EGLN1: variants seen among roughly 807,000 people sequenced by gnomAD.
EGLN1 encodes the protein egl nine homolog 1.
EGLN1 carries 17 observed loss-of-function variants against 38.3 expected under a neutral mutation model. The observed-to-expected ratio is 0.44, with a 90% CI of 0.30 to 0.67. The LOEUF (loss-of-function observed/expected upper bound fraction) is 0.67. Among genes scored for constraint, EGLN1 ranks in the 30% least tolerant of loss-of-function variants. The probability of loss-of-function intolerance (pLI) is 0.08; values close to 1 mark genes in which losing one functional copy is unlikely to be tolerated. For missense variants in EGLN1, 477 were observed against 603.3 expected (o/e 0.79, Z 2.19); for synonymous variants, 283 against 257.5 (o/e 1.10, Z -0.95).
intron 1 of EGLN1, among the ~76,000 whole-genome samples, chr1:231,415,960 A>C (rs1448914796): frequency 6.6e-6 from 1 of 151,028 alleles, no homozygotes. Context: ...CGATTCTCCT[A>C]CCTCAGCCTC....
chr1:231,378,123 A>T (rs1688002047), intron 1 of EGLN1, among the ~76,000 whole-genome samples: 1 of 152,158 alleles, frequency 6.6e-6, no homozygotes, highest in Non-Finnish European at 1.5e-5. Context: ...GAAAGGAAGA[A>T]GGGAGAGGGG....
Position 231,364,887 on chromosome 1 carries a change from G to C in EGLN1, c.*1524C>G, listed in dbSNP as rs1447957187. On this transcript the variant is annotated 3_prime_UTR_variant, in exon 5 of 5. Transcript: ENST00000366641. ...AAAAGCCTAGGAAAGTGAAGTCTAA[G>C]ACATCCGTCCCAATTCATTCTTTAA... 2 of 152,150 alleles carry C rather than the reference G, an allele frequency of 1.3e-5. No homozygotes were observed. The highest frequency in any genetic ancestry group is 2.9e-5 in the Non-Finnish European group (2 of 68,024). The allele number at this position is 152,150 out of a possible 1,614,324, so 9.4% of individuals were successfully genotyped here.
intron 1 of EGLN1, among the ~76,000 whole-genome samples, chr1:231,400,204 T>C (rs1003209823): frequency 2.0e-5 from 3 of 152,138 alleles, no homozygotes; most frequent in Non-Finnish European, 4.4e-5. Context: ...CCTTTAACAA[T>C]GGAGAGTATG....
chr1:231,388,344 G>T (rs1380770495), intron 1 of EGLN1, among the ~76,000 whole-genome samples: 1 of 152,206 alleles, frequency 6.6e-6, no homozygotes, highest in Non-Finnish European at 1.5e-5. Context: ...ATATGTGGTT[G>T]ATAAGACGGT....
intron 1 of EGLN1, among the ~76,000 whole-genome samples, chr1:231,374,663 A>T (rs1034452004): frequency 1.3e-5 from 2 of 152,090 alleles, no homozygotes; most frequent in Admixed American, 6.6e-5. Context: ...GACTATAAGC[A>T]CGTGTCACCA....
Position 231,421,796 on chromosome 1 carries a change from C to T in EGLN1, c.93G>A (p.Leu31=). ...AGGAGCTGCGGCAGCGGCTGCAGCG[C>T]AGCAGGTTCTCCATCTTCCCGCACA... ...CELCGKMENL[L]RCSRCRSSFY... Residue 31 remains leucine (L), a synonymous_variant, in exon 1 of 5, where the codon CTG becomes CTA. Transcript: ENST00000366641. The surrounding 1 kb of genome is among the most constrained non-coding windows in gnomAD (Gnocchi z 5.5). 1 of 1,559,814 alleles carries T rather than the reference C, an allele frequency of 6.4e-7. No individual in the cohort carries two copies. The highest frequency in any genetic ancestry group is 8.6e-7 in the Non-Finnish European group (1 of 1,162,992).
chr1:231,386,032 C>T (rs2486735), intron 1 of EGLN1, among the ~76,000 whole-genome samples: 82,677 of 151,620 alleles, frequency 0.55, 24,163 homozygotes, highest in Non-Finnish European at 0.65. Context: ...GCCCAGCTGG[C>T]CTCGGACTTC....
At chr1:231,370,004 A>G (rs1687774842) in intron 3 of EGLN1, among the ~76,000 whole-genome samples, 1 of 152,242 alleles carries the variant, frequency 6.6e-6, no homozygotes, top group Admixed American at 6.5e-5. Flanking sequence ...TAGAAAAAGT[A>G]TAATGAAACA....
chr1:231,364,391 C>CAA lies in EGLN1; in HGVS notation c.*2018_*2019dup, dbSNP rs961729300. On this transcript the variant is annotated 3_prime_UTR_variant, in exon 5 of 5. Coordinates refer to ENST00000366641, the MANE Select transcript of EGLN1 (RefSeq NM_022051.3). ...GCGCACTGTACTATAGACCAGATGG[C>CAA]AAAGACAACTTGCGCTCCTGGGTTG... The CAA allele has an allele frequency of 2.6e-5, 4 of 152,204 alleles. No homozygotes were observed. The highest frequency in any genetic ancestry group is 9.7e-5 in the African/African-American group (4 of 41,436). 9.4% of individuals were successfully genotyped at this position (152,204 alleles called of 1,614,324 possible). A position where few individuals can be genotyped will look rare whatever the true frequency, so the allele number is the denominator to read the frequency against.
At chr1:231,389,579 C>G (rs987455862) in intron 1 of EGLN1, among the ~76,000 whole-genome samples, 2 of 152,138 alleles carry the variant, frequency 1.3e-5, no homozygotes, top group Non-Finnish European at 2.9e-5. Context: ...TATGTAGCAC[C>G]TTCTAGTTTG....
intron 1 of EGLN1, among the ~76,000 whole-genome samples, chr1:231,385,023 G>C (rs565919253): frequency 7.2e-5 from 11 of 152,168 alleles, no homozygotes; most frequent in Non-Finnish European, 1.5e-4. Flanking sequence ...AATCAGGTGT[G>C]GTACAACGAT....
rs68152109 is a variant in EGLN1 at position 231,409,241 on chromosome 1, T to TAAA, written c.891+11754_891+11756dup. ...CTTTAGAAGTCTTAGCCTAATTTCT[T>TAAA]AAAAAAAAAAAAAAACAAAAAAAAA... On this transcript the variant is annotated intron_variant, in intron 1 of 4. Transcript: ENST00000366641. Among the ~76,000 whole-genome samples the TAAA allele has an allele frequency of 3.5e-3, 425 of 120,736 alleles. 1 individual carries two copies. The highest frequency in any genetic ancestry group is 5.5e-3 in the Non-Finnish European group (313 of 56,910). The allele number at this position is 120,736 out of a possible 152,430, so 79.2% of individuals were successfully genotyped here. A position where few individuals can be genotyped will look rare whatever the true frequency, so the allele number is the denominator to read the frequency against.
chr1:231,374,091 A>T lies in EGLN1; in HGVS notation c.900T>A (p.Val300=). 1 of 1,613,502 alleles carries T rather than the reference A, an allele frequency of 6.2e-7. No homozygotes were observed. The highest frequency in any genetic ancestry group is 1.1e-5 in the South Asian group (1 of 91,070). Residue 300 remains valine (V), a synonymous_variant, in exon 2 of 5, where the codon GTT becomes GTA. Transcript: ENST00000366641. ...YKINGRTKAM[V]ACYPGNGTGY... The stretch of plus-strand genomic sequence containing the variant: ...CCGTTCCATTGCCCGGATAACAAGC[A>T]ACCATGGCCTGTAATAATGATAATA...
chr1:231,374,476 C>G (rs532495924), intron 1 of EGLN1, among the ~76,000 whole-genome samples: 14 of 151,994 alleles, frequency 9.2e-5, no homozygotes, highest in Non-Finnish European at 1.2e-4. Context: ...ATAGGTGAAC[C>G]AACCCAGTCA....
In EGLN1 at chr1:231,421,043, G is replaced by C; in HGVS notation, c.846C>G (p.His282Gln). The change falls in exon 1 of 5, where the codon CAC (histidine) becomes CAG (glutamine). Residue 282 changes from histidine (H) to glutamine (Q), a missense_variant. Transcript: ENST00000366641. The surrounding 1 kb of genome is among the most constrained non-coding windows in gnomAD (Gnocchi z 5.5). ...LMSSMDDLIR[H>Q]CNGKLGSYKI... ...TGTAGCTGCCCAGCTTCCCGTTACA[G>C]TGGCGTATCAGGTCGTCCATGCTGC... 1 of 1,614,122 alleles carries C rather than the reference G, an allele frequency of 6.2e-7. No individual in the cohort carries two copies. The highest frequency in any genetic ancestry group is 8.5e-7 in the Non-Finnish European group (1 of 1,180,034).
chr1:231,402,330 CTTT>C (rs1688683374), intron 1 of EGLN1, among the ~76,000 whole-genome samples: 1 of 150,250 alleles, frequency 6.7e-6, no homozygotes, highest in Non-Finnish European at 1.5e-5. Flanking sequence ...CAGTGTTTTT[CTTT>C]TATGGCTCAT....
chr1:231,367,070 T>A (rs1687669405), intron 4 of EGLN1, among the ~76,000 whole-genome samples: 1 of 152,236 alleles, frequency 6.6e-6, no homozygotes. Context: ...CTGACCTATG[T>A]ACACCATTAG....
intron 4 of EGLN1, 56 bp from the exon 5 acceptor site, chr1:231,366,531 CT>C: frequency 6.6e-7 from 1 of 1,511,326 alleles, no homozygotes; most frequent in Non-Finnish European, 9.2e-7. Context: ...CAGAGAGCTT[CT>C]GCTACTGCAT....
chr1:231,412,869 A>G (rs916681428), intron 1 of EGLN1, among the ~76,000 whole-genome samples: 2 of 152,212 alleles, frequency 1.3e-5, no homozygotes, highest in Non-Finnish European at 2.9e-5. Flanking sequence ...ATTTCCTTCC[A>G]ATCGCTCAAG....
Sources: gnomAD v4.1 joint callset for allele counts (sites outside exome capture counted in the v4.1 genomes callset) on GRCh38, gnomAD v4.1.1 for gene constraint, Gnocchi (gnomAD v3.1) non-coding constraint, MANE v1.5 for transcripts, NCBI Gene and HGNC (gene_info 2026-07-23, HGNC 2026-07-21) for gene names.